The following SESN1 variants were observed in gnomAD, a reference collection of about 807,000 sequenced individuals.
SESN1 encodes the protein sestrin 1.
Under a neutral mutation model 59.3 loss-of-function variants are expected in SESN1, and 30 were observed. The ratio of observed to expected loss-of-function variants is 0.51; its 90% CI spans 0.38 to 0.69. The LOEUF (loss-of-function observed/expected upper bound fraction) is 0.69, where lower values mean the gene tolerates loss of function less well. SESN1 is among the 30% of genes least tolerant of loss of function. The pLI is 0.00. For synonymous variants in SESN1, 197 were observed against 219.9 expected (o/e 0.90, Z 0.92); for missense variants, 566 against 673.0 (o/e 0.84, Z 1.76).
intron 1 of SESN1, among the ~76,000 whole-genome samples, chr6:109,070,681 C>A (rs1780918748): frequency 6.6e-6 from 1 of 152,220 alleles, no homozygotes; most frequent in African/African-American, 2.4e-5. Context: ...AATCAAAAAT[C>A]TGAAAATGTA....
intron 7 of SESN1, among the ~76,000 whole-genome samples, chr6:108,992,543 C>G (rs959592203): frequency 1.3e-5 from 2 of 152,160 alleles, no homozygotes; most frequent in Non-Finnish European, 2.9e-5. Flanking sequence ...ATCAACTCAT[C>G]TGAATTAAAT....
At chr6:109,009,681 C>G (rs1779820470) in intron 1 of SESN1, 1 of 486,320 alleles carries the variant, frequency 2.1e-6, no homozygotes, top group South Asian at 9.0e-5. Flanking sequence ...CCCTCCGGCG[C>G]GGAGGCTGGG....
chr6:109,074,230 C>T (rs1348689766), intron 1 of SESN1, among the ~76,000 whole-genome samples: 1 of 152,096 alleles, frequency 6.6e-6, no homozygotes. Flanking sequence ...TATGTAATTG[C>T]CTAACAATGC....
intron 4 of SESN1, 88 bp downstream of exon 4, chr6:109,000,393 AGGAACTCTCT>A: frequency 1.1e-6 from 1 of 888,374 alleles, no homozygotes; most frequent in Non-Finnish European, 1.6e-6. Flanking sequence ...GGTAGAAAAT[AGGAACTCTCT>A]GTACTTTCTG....
At chr6:109,047,630 A>G (rs1464541884) in intron 1 of SESN1, among the ~76,000 whole-genome samples, 3 of 144,162 alleles carry the variant, frequency 2.1e-5, no homozygotes, top group African/African-American at 5.0e-5. Context: ...CAGGATGACA[A>G]TGGCGGCTTT....
At chr6:109,065,281 C>T (rs1450855603) in intron 1 of SESN1, among the ~76,000 whole-genome samples, 2 of 152,118 alleles carry the variant, frequency 1.3e-5, no homozygotes, top group East Asian at 1.9e-4. Flanking sequence ...TCCCCTAATA[C>T]TATTATTATG....
At chr6:109,009,366 TG>T in intron 1 of SESN1, 2 of 1,469,018 alleles carry the variant, frequency 1.4e-6, no homozygotes, top group South Asian at 1.3e-5. Context: ...TACCTCGTCC[TG>T]GTCGCGGCCC....
At chr6:108,998,782 A>AT in intron 4 of SESN1, 27 bp from the exon 5 acceptor site, 1 of 1,587,566 alleles carries the variant, frequency 6.3e-7, no homozygotes, top group Non-Finnish European at 8.6e-7. Flanking sequence ...AAAAGAATAT[A>AT]TTTTTGTACT....
chr6:109,004,698 G>C (rs1309735859), intron 1 of SESN1, among the ~76,000 whole-genome samples: 1 of 152,074 alleles, frequency 6.6e-6, no homozygotes, highest in East Asian at 1.9e-4. Context: ...CCAAATGCTA[G>C]GATTACAGGT....
At position 108,993,452 on chromosome 6, in the gene SESN1, T is replaced by C. The variant is rs541091154; in HGVS notation, c.1121-553A>G. ...TAAGTGTATCATTAGATGACAACTCTACATCTTTAGGCATGGAAACAAAAA... is the reference window on the plus strand; with the variant it reads ...TAAGTGTATCATTAGATGACAACTCCACATCTTTAGGCATGGAAACAAAAA... On this transcript the variant is annotated intron_variant, in intron 6 of 9. Transcript: ENST00000436639. Among the ~76,000 whole-genome samples, 120 of 152,274 alleles carry C rather than the reference T, an allele frequency of 7.9e-4. No homozygotes were observed. The Middle Eastern group carries it at 0.01, about 13-fold the overall frequency.
At position 109,039,063 on chromosome 6, in the gene SESN1, A is replaced by G. The variant is rs921900912; in HGVS notation, c.280-36720T>C. 2.0e-5 allele frequency among the ~76,000 whole-genome samples: 3 copies of G among 150,196 alleles called. No homozygotes were observed. The East Asian group carries it at 5.9e-4, about 30-fold the overall frequency. On this transcript the variant is annotated intron_variant, in intron 1 of 9. Coordinates refer to ENST00000436639, the MANE Select transcript of SESN1 (RefSeq NM_014454.3). Reference sequence around the variant, plus strand: ...AAGAAGGAGGGAGAAGGAGAACAAGAAGGAGGAAGAAAGGAGGGAGGAAAA... The same window carrying G: ...AAGAAGGAGGGAGAAGGAGAACAAGGAGGAGGAAGAAAGGAGGGAGGAAAA...
chr6:109,027,683 A>C lies in SESN1; in HGVS notation c.280-25340T>G, dbSNP rs1042035785. On this transcript the variant is annotated intron_variant, in intron 1 of 9. Transcript: ENST00000436639. The stretch of plus-strand genomic sequence containing the variant: ...AGGTTGTTACTGGTATGTAGCAGGG[A>C]GAGACCAGGGAGGCTCCTAACTATC... 1.4e-4 allele frequency among the ~76,000 whole-genome samples: 22 copies of C among 152,192 alleles called. No individual in the cohort carries two copies. The Middle Eastern group carries it at 0.01, about 71-fold the overall frequency.
Position 109,058,116 on chromosome 6 carries a change from G to A in SESN1, c.279+35679C>T, listed in dbSNP as rs568564923. Among the ~76,000 whole-genome samples the A allele has an allele frequency of 1.2e-4, 18 of 151,684 alleles. No individual in the cohort carries two copies. The South Asian group carries it at 1.7e-3, about 14-fold the overall frequency. ...AATTAACTTTTTGAGGCAGGGCCTCGCTCTGTTGCCTAGGCTGGAGTGGAG... is the reference window on the plus strand; with the variant it reads ...AATTAACTTTTTGAGGCAGGGCCTCACTCTGTTGCCTAGGCTGGAGTGGAG... On this transcript the variant is annotated intron_variant, in intron 1 of 9. Coordinates refer to ENST00000436639, the MANE Select transcript of SESN1 (RefSeq NM_014454.3).
At chr6:109,023,946 T>A (rs1780047568) in intron 1 of SESN1, among the ~76,000 whole-genome samples, 1 of 152,190 alleles carries the variant, frequency 6.6e-6, no homozygotes, top group Non-Finnish European at 1.5e-5. Flanking sequence ...TGAGTGATTT[T>A]TTTTTCTGTA....
chr6:109,091,498 T>C (rs557891041), intron 1 of SESN1, among the ~76,000 whole-genome samples: 4 of 152,322 alleles, frequency 2.6e-5, no homozygotes, highest in African/African-American at 7.2e-5. Flanking sequence ...CCCAGCCATA[T>C]TGCATTACTT....
intron 1 of SESN1, among the ~76,000 whole-genome samples, chr6:109,041,081 G>A (rs906622165): frequency 6.6e-6 from 1 of 151,682 alleles, no homozygotes; most frequent in Non-Finnish European, 1.5e-5. Flanking sequence ...AAGGAGATTA[G>A]CATGAGCCCA....
chr6:108,998,174 A>G (rs892481682), intron 5 of SESN1, among the ~76,000 whole-genome samples: 2 of 152,152 alleles, frequency 1.3e-5, no homozygotes, highest in African/African-American at 2.4e-5. Context: ...AGGCCACACT[A>G]TTTTCAGCCT....
intron 1 of SESN1, among the ~76,000 whole-genome samples, chr6:109,085,467 C>T (rs748876686): frequency 1.3e-5 from 2 of 151,828 alleles, no homozygotes; most frequent in East Asian, 1.9e-4. Flanking sequence ...TGCAGTGAGC[C>T]GAGGTCGCAC....
chr6:108,989,115 A>T (rs889320359), intron 8 of SESN1, among the ~76,000 whole-genome samples: 4 of 151,906 alleles, frequency 2.6e-5, no homozygotes, highest in Non-Finnish European at 5.9e-5. Context: ...CGATTCTCTC[A>T]CCTCAGCCTC....
Sources: gnomAD v4.1 joint callset for allele counts (sites outside exome capture counted in the v4.1 genomes callset) on GRCh38, gnomAD v4.1.1 for gene constraint, MANE v1.5 for transcripts, NCBI Gene and HGNC (gene_info 2026-07-23, HGNC 2026-07-21) for gene names.